TYW1: variants seen among roughly 807,000 people sequenced by gnomAD.
The protein encoded by TYW1 is S-adenosyl-L-methionine-dependent tRNA 4-demethylwyosine synthase TYW1.
Under a neutral mutation model 96.2 loss-of-function variants are expected in TYW1, and 46 were observed. The observed-to-expected ratio is 0.48, with a 90% CI of 0.38 to 0.61. TYW1 has a LOEUF of 0.61. Ranked by LOEUF, TYW1 falls within the 20% of genes least tolerant of loss-of-function variation. TYW1 has a pLI of 0.00. For synonymous variants in TYW1, 274 were observed against 323.0 expected, an observed-to-expected ratio of 0.85 and a Z score of 1.63; for missense variants, 684 against 909.6, an observed-to-expected ratio of 0.75 and a Z score of 3.19.
chr7:67,049,552 T>C (rs1015407828), intron 7 of TYW1, among the ~76,000 whole-genome samples: 4 of 152,186 alleles, frequency 2.6e-5, no homozygotes, highest in African/African-American at 9.6e-5. Context: ...TTATTTATAA[T>C]TATTTATTTT....
intron 12 of TYW1, among the ~76,000 whole-genome samples, chr7:67,112,198 A>G (rs1797439834): frequency 6.6e-6 from 1 of 151,814 alleles, no homozygotes; most frequent in Admixed American, 6.6e-5. Flanking sequence ...CCTTGTGCCC[A>G]AAAGTGTTTC....
chr7:67,128,748 G>A (rs1209044384), intron 13 of TYW1, among the ~76,000 whole-genome samples: 1 of 150,694 alleles, frequency 6.6e-6, no homozygotes, highest in Non-Finnish European at 1.5e-5. Context: ...GAGTGCAGTG[G>A]CACGATCTTG....
chr7:67,030,865 A>C (rs932343298), intron 7 of TYW1, among the ~76,000 whole-genome samples: 2 of 152,056 alleles, frequency 1.3e-5, no homozygotes, highest in Admixed American at 6.6e-5. Context: ...GAGCTTCAAA[A>C]AGATGAATGA....
chr7:67,211,996 A>T (rs1338808236), intron 15 of TYW1, among the ~76,000 whole-genome samples: 1 of 152,206 alleles, frequency 6.6e-6, no homozygotes, highest in Non-Finnish European at 1.5e-5. Context: ...ATACATTAAG[A>T]TTCAGCATTT....
intron 13 of TYW1, among the ~76,000 whole-genome samples, chr7:67,133,193 G>A (rs935407960): frequency 6.6e-6 from 1 of 152,138 alleles, no homozygotes; most frequent in African/African-American, 2.4e-5. Context: ...ACTGGATGCA[G>A]TGGTGCCATC....
chr7:66,998,201 T>A lies in TYW1; in HGVS notation c.135+6T>A. 6 of 1,589,576 alleles carry A rather than the reference T, an allele frequency of 3.8e-6. No homozygotes were observed. Among genetic ancestry groups the A allele is most frequent in the Non-Finnish European group, 4.3e-6 (5 of 1,173,464 alleles). ...AGATTGTCATCAAGACGCAGGTAAG[T>A]GGAGTTATTTTTTTTTTAATGGAGT... On this transcript the variant is annotated splice_donor_region_variant and intron_variant, in intron 2 of 15. Coordinates refer to ENST00000359626, the MANE Select transcript of TYW1 (RefSeq NM_018264.4).
chr7:67,117,975 T>G (rs1046977800), intron 13 of TYW1, among the ~76,000 whole-genome samples: 1 of 152,176 alleles, frequency 6.6e-6, no homozygotes, highest in South Asian at 2.1e-4. Flanking sequence ...TATGGAAGAT[T>G]GGTCGTAGGA....
At chr7:67,183,266 G>A in intron 14 of TYW1, 30 bp downstream of exon 14, 2 of 1,574,922 alleles carry the variant, frequency 1.3e-6, no homozygotes, top group Non-Finnish European at 8.6e-7. Context: ...GGTGGCTGTG[G>A]TGGAGTGACA....
At chr7:67,082,393 A>T (rs570980670) in intron 10 of TYW1, among the ~76,000 whole-genome samples, 17 of 152,310 alleles carry the variant, frequency 1.1e-4, no homozygotes, top group African/African-American at 3.8e-4. Context: ...TTCTTTGGCC[A>T]TAATCGGTGC....
chr7:67,230,490 C>T (rs1801718206), intron 15 of TYW1, among the ~76,000 whole-genome samples: 1 of 151,924 alleles, frequency 6.6e-6, no homozygotes, highest in South Asian at 2.1e-4. Flanking sequence ...GTTCCTTGTA[C>T]CCTCCTCAAA....
At position 67,056,597 on chromosome 7, in the gene TYW1, G is replaced by A. The variant is rs13308021; in HGVS notation, c.1155+710G>A. On this transcript the variant is annotated intron_variant, in intron 9 of 15. Coordinates refer to ENST00000359626, the MANE Select transcript of TYW1 (RefSeq NM_018264.4). ...CATATTTTTGAGATGCATCCGTGTC[G>A]TATCATGTAACATGCATCAGTAGTT... is the stretch of plus-strand genomic sequence containing the variant. Among the ~76,000 whole-genome samples the A allele has an allele frequency of 4.6e-5, 7 of 151,770 alleles. No homozygotes were observed. The South Asian group carries it at 6.2e-4, about 13-fold the overall frequency.
chr7:67,192,831 C>G (rs992282286), intron 14 of TYW1, among the ~76,000 whole-genome samples: 3 of 152,082 alleles, frequency 2.0e-5, no homozygotes, highest in Non-Finnish European at 4.4e-5. Flanking sequence ...AATTTGTCTT[C>G]CTGTGCAGGC....
intron 12 of TYW1, among the ~76,000 whole-genome samples, chr7:67,107,352 A>G (rs1797274518): frequency 6.6e-6 from 1 of 152,172 alleles, no homozygotes. Flanking sequence ...TCTTGTTTGC[A>G]CTAAACATAT....
chr7:67,181,068 C>T (rs1018282725), intron 13 of TYW1, among the ~76,000 whole-genome samples: 1 of 151,696 alleles, frequency 6.6e-6, no homozygotes, highest in African/African-American at 2.4e-5. Context: ...TTGATTTGCT[C>T]ATTCTGTTTT....
intron 12 of TYW1, among the ~76,000 whole-genome samples, chr7:67,110,240 GA>G (rs1797360132): frequency 6.6e-6 from 1 of 152,204 alleles, no homozygotes; most frequent in South Asian, 2.1e-4. Context: ...AGGGGACTTT[GA>G]AAAGCTCCAT....
chr7:67,077,776 G>A (rs1796249501), intron 10 of TYW1, among the ~76,000 whole-genome samples: 1 of 152,048 alleles, frequency 6.6e-6, no homozygotes, highest in Non-Finnish European at 1.5e-5. Flanking sequence ...TTTTACTTTT[G>A]TTGCCTGTAA....
intron 13 of TYW1, among the ~76,000 whole-genome samples, chr7:67,120,600 G>A (rs1394738482): frequency 6.6e-6 from 1 of 152,222 alleles, no homozygotes; most frequent in Non-Finnish European, 1.5e-5. Context: ...GATTTACATA[G>A]CATAAAAATT....
At chr7:67,208,436 A>G (rs1800883756) in intron 15 of TYW1, among the ~76,000 whole-genome samples, 1 of 152,180 alleles carries the variant, frequency 6.6e-6, no homozygotes, top group African/African-American at 2.4e-5. Context: ...TTACGCCTGT[A>G]ATCCCAGCAC....
intron 15 of TYW1, among the ~76,000 whole-genome samples, chr7:67,200,892 C>T (rs920890583): frequency 2.4e-4 from 36 of 152,166 alleles, no homozygotes; most frequent in Admixed American, 2.2e-3. Context: ...AGGAAAAGCA[C>T]GGAGACATGG....
Sources: gnomAD v4.1 joint callset for allele counts (sites outside exome capture counted in the v4.1 genomes callset) on GRCh38, gnomAD v4.1.1 for gene constraint, MANE v1.5 for transcripts, NCBI Gene and HGNC (gene_info 2026-07-23, HGNC 2026-07-21) for gene names.